The following ATXN7L1 variants were observed in gnomAD, a reference collection of about 807,000 sequenced individuals.
The protein encoded by ATXN7L1 is ataxin 7 like 1.
A neutral mutation model predicts 70.8 loss-of-function variants in ATXN7L1; 15 were observed. That is an observed-to-expected ratio of 0.21 (90% CI 0.14 to 0.33). The LOEUF (loss-of-function observed/expected upper bound fraction) is 0.33. Ranked by LOEUF, ATXN7L1 falls within the 10% of genes least tolerant of loss-of-function variation. The probability of loss-of-function intolerance (pLI) is 1.00; values close to 1 mark genes in which losing one functional copy is unlikely to be tolerated. For missense variants in ATXN7L1, 975 were observed against 1,097.1 expected (o/e 0.89, Z 1.57); for synonymous variants, 440 against 445.1 (o/e 0.99, Z 0.14).
chr7:105,862,551 G>A (rs1286917057), intron 2 of ATXN7L1, among the ~76,000 whole-genome samples: 1 of 152,172 alleles, frequency 6.6e-6, no homozygotes, highest in Admixed American at 6.5e-5. Flanking sequence ...CAAGCTCCAG[G>A]TCCTTATCAG....
At chr7:105,870,850 T>C (rs965165651) in intron 2 of ATXN7L1, among the ~76,000 whole-genome samples, 1 of 152,204 alleles carries the variant, frequency 6.6e-6, no homozygotes, top group South Asian at 2.1e-4. Flanking sequence ...GCCTGACTGA[T>C]CCAAGCTGAC....
chr7:105,837,198 C>T (rs1380375648), intron 2 of ATXN7L1, among the ~76,000 whole-genome samples: 1 of 152,126 alleles, frequency 6.6e-6, no homozygotes, highest in African/African-American at 2.4e-5. Flanking sequence ...CCCCATGACA[C>T]AAATACCTCC....
chr7:105,720,360 C>A (rs559445133), intron 3 of ATXN7L1, among the ~76,000 whole-genome samples: 1 of 152,148 alleles, frequency 6.6e-6, no homozygotes, highest in East Asian at 1.9e-4. Flanking sequence ...ATGGTGAAAC[C>A]CCATCTCTAC....
Position 105,875,839 on chromosome 7 carries a change from T to A in ATXN7L1, c.223A>T (p.Arg75Trp). The A allele has an allele frequency of 6.2e-7, 1 of 1,613,562 alleles. No homozygotes were observed. Among genetic ancestry groups the A allele is most frequent in the Non-Finnish European group, 8.5e-7 (1 of 1,179,772 alleles). ...EEAGKEGGKS[R>W]EVMRLNKEDM... Reference sequence around the variant, plus strand: ...TCTTTATTAAGCCTCATAACCTCCCTGCTTTTTCCACCCTCTTTTCCAGCC... The same window carrying A: ...TCTTTATTAAGCCTCATAACCTCCCAGCTTTTTCCACCCTCTTTTCCAGCC... The change falls in exon 2 of 12, where the codon AGG (arginine) becomes TGG (tryptophan). Residue 75 changes from arginine to tryptophan, a missense_variant. Transcript: ENST00000419735.
intron 2 of ATXN7L1, among the ~76,000 whole-genome samples, chr7:105,802,642 T>G (rs987994692): frequency 6.6e-6 from 1 of 152,210 alleles, no homozygotes; most frequent in Admixed American, 6.5e-5. Flanking sequence ...TTTTTCATAG[T>G]GCCATCAAAC....
intron 4 of ATXN7L1, among the ~76,000 whole-genome samples, chr7:105,660,528 T>C (rs1790059): frequency 6.6e-6 from 1 of 151,688 alleles, no homozygotes; most frequent in Non-Finnish European, 1.5e-5. Flanking sequence ...CCATTCTCTT[T>C]GTCTACCTCC....
intron 7 of ATXN7L1, among the ~76,000 whole-genome samples, chr7:105,632,123 G>A (rs1333203978): frequency 6.6e-6 from 1 of 152,206 alleles, no homozygotes; most frequent in African/African-American, 2.4e-5. Flanking sequence ...AAATGTGCAT[G>A]GTTAGGGATG....
At chr7:105,861,385 T>C (rs1816611588) in intron 2 of ATXN7L1, among the ~76,000 whole-genome samples, 1 of 150,300 alleles carries the variant, frequency 6.7e-6, no homozygotes, top group African/African-American at 2.5e-5. Flanking sequence ...AAAATCTAGG[T>C]AGGCTATGAG....
intron 2 of ATXN7L1, among the ~76,000 whole-genome samples, chr7:105,874,540 T>C (rs1163800280): frequency 6.6e-6 from 1 of 152,252 alleles, no homozygotes; most frequent in Non-Finnish European, 1.5e-5. Flanking sequence ...CCTGTCAAGA[T>C]CACACTAAGA....
At chr7:105,741,446 A>G (rs991701456) in intron 3 of ATXN7L1, among the ~76,000 whole-genome samples, 1 of 152,194 alleles carries the variant, frequency 6.6e-6, no homozygotes, top group Non-Finnish European at 1.5e-5. Context: ...ATAGTGTTTG[A>G]TTTTGACACA....
intron 3 of ATXN7L1, among the ~76,000 whole-genome samples, chr7:105,774,241 A>C (rs1802411261): frequency 6.6e-6 from 1 of 152,120 alleles, no homozygotes; most frequent in African/African-American, 2.4e-5. Flanking sequence ...GCCTTCTTAA[A>C]CGCACCGGGA....
chr7:105,670,976 G>C (rs757885984), intron 3 of ATXN7L1, among the ~76,000 whole-genome samples: 6 of 152,030 alleles, frequency 3.9e-5, no homozygotes, highest in Non-Finnish European at 8.8e-5. Flanking sequence ...CGAGGTGGCG[G>C]GCGCCTGTTA....
At chr7:105,739,370 C>T (rs1797761417) in intron 3 of ATXN7L1, among the ~76,000 whole-genome samples, 1 of 152,246 alleles carries the variant, frequency 6.6e-6, no homozygotes, top group Non-Finnish European at 1.5e-5. Context: ...AGGTGAGTTG[C>T]ATGTACCCTA....
intron 2 of ATXN7L1, among the ~76,000 whole-genome samples, chr7:105,872,979 C>G (rs1281930573): frequency 6.6e-6 from 1 of 151,918 alleles, no homozygotes; most frequent in East Asian, 1.9e-4. Context: ...ACGGTGAAAC[C>G]CCATCTCTAC....
chr7:105,605,976 C>A lies in ATXN7L1; in HGVS notation c.*1876G>T, dbSNP rs918181904. 1 of 151,830 alleles carries A rather than the reference C, an allele frequency of 6.6e-6. No individual in the cohort carries two copies. The highest frequency in any genetic ancestry group is 2.4e-5 in the African/African-American group (1 of 41,358). 9.4% of individuals were successfully genotyped at this position (151,830 alleles called of 1,614,324 possible). On this transcript the variant is annotated 3_prime_UTR_variant, in exon 12 of 12. Coordinates refer to ENST00000419735, the MANE Select transcript of ATXN7L1 (RefSeq NM_020725.2). ...TAAAAATTTACTTTAAGAATATCTT[C>A]TAAACTTTTTTTCAAAGGGTCTAAC... is the stretch of plus-strand genomic sequence containing the variant.
chr7:105,696,654 T>G (rs1007425299), intron 3 of ATXN7L1, among the ~76,000 whole-genome samples: 3 of 152,250 alleles, frequency 2.0e-5, no homozygotes, highest in African/African-American at 7.2e-5. Flanking sequence ...TTAGCAGGAA[T>G]CTGTTGTAAT....
chr7:105,673,509 C>T (rs887260522), intron 3 of ATXN7L1, among the ~76,000 whole-genome samples: 3 of 152,238 alleles, frequency 2.0e-5, no homozygotes, highest in African/African-American at 7.2e-5. Flanking sequence ...CCTTCAGCCC[C>T]CACTTTTGAG....
intron 3 of ATXN7L1, among the ~76,000 whole-genome samples, chr7:105,782,258 G>A (rs1377654402): frequency 6.6e-6 from 1 of 152,230 alleles, no homozygotes. Context: ...TGCCTGCAGA[G>A]TGGAACTGGG....
chr7:105,673,742 G>GATTCC (rs1373412336), intron 3 of ATXN7L1, among the ~76,000 whole-genome samples: 1 of 152,234 alleles, frequency 6.6e-6, no homozygotes, highest in Non-Finnish European at 1.5e-5. Context: ...GTGAGGTAAC[G>GATTCC]ATTCCCCCCA....
Sources: allele counts gnomAD v4.1 joint callset (sites outside exome capture counted in the v4.1 genomes callset), GRCh38; gene constraint gnomAD v4.1.1; transcripts MANE v1.5; gene names NCBI Gene and HGNC (gene_info 2026-07-23, HGNC 2026-07-21).